SV2C: variants seen among roughly 807,000 people sequenced by gnomAD.
SV2C encodes synaptic vesicle glycoprotein 2C.
SV2C carries 49 observed loss-of-function variants against 79.7 expected under a neutral mutation model. The ratio of observed to expected loss-of-function variants is 0.61; its 90% CI spans 0.49 to 0.78. SV2C has a LOEUF of 0.78. Ranked by LOEUF, SV2C falls within the 30% of genes least tolerant of loss-of-function variation. The pLI is 0.00. For synonymous variants in SV2C, 334 were observed against 333.2 expected (o/e 1.00, Z -0.03); for missense variants, 833 against 912.9 (o/e 0.91, Z 1.13).
chr5:75,985,442 C>T, the SV2C span, among the ~76,000 whole-genome samples: 93 of 151,996 alleles, frequency 6.1e-4, no homozygotes, highest in Non-Finnish European at 8.4e-4. Context: ...TCAGGTTGAC[C>T]CATAGAATCA....
At chr5:76,274,972 T>G (rs189007408) in intron 4 of SV2C, among the ~76,000 whole-genome samples, 380 of 152,268 alleles carry the variant, frequency 2.5e-3, no homozygotes, top group Non-Finnish European at 3.8e-3. Context: ...AAAATGGATT[T>G]TGGGCCCCTT....
chr5:76,077,065 C>T, the SV2C span, among the ~76,000 whole-genome samples: 6 of 152,146 alleles, frequency 3.9e-5, no homozygotes, highest in Non-Finnish European at 8.8e-5. Context: ...TTTAGCAAAA[C>T]CCAAATGAAA....
chr5:76,177,933 A>G (rs915014005), intron 2 of SV2C, among the ~76,000 whole-genome samples: 1 of 152,156 alleles, frequency 6.6e-6, no homozygotes, highest in African/African-American at 2.4e-5. Context: ...CACTGTGCTG[A>G]TATAGAGGAG....
At chr5:75,956,758 C>T in the SV2C span, among the ~76,000 whole-genome samples, 1 of 151,938 alleles carries the variant, frequency 6.6e-6, no homozygotes, top group South Asian at 2.1e-4. Context: ...TCCTTGAGAA[C>T]ACTGAAGCCC....
chr5:76,325,324 G>A (rs1037028302), intron 12 of SV2C, 40 bp from the exon 13 acceptor site: 10 of 1,599,012 alleles, frequency 6.3e-6, no homozygotes, highest in African/African-American at 1.3e-5. Context: ...ATCATGGGGA[G>A]GCATTTTCTC....
rs78231290 is a variant in SV2C at position 76,133,900 on chromosome 5, C to A, written c.580+1570C>A. ...AGCAGAATGTGTAAAGAAGATAGAC[C>A]CTGAGAAATATACTCACACAAATAT... On this transcript the variant is annotated intron_variant, in intron 2 of 12. Transcript: ENST00000502798. Among the ~76,000 whole-genome samples the A allele has an allele frequency of 4.2e-3, 637 of 152,004 alleles. 5 individuals are homozygous for A. The highest frequency in any genetic ancestry group is 0.041 in the South Asian group (196 of 4,810).
At chr5:76,066,771 C>A in the SV2C span, among the ~76,000 whole-genome samples, 1 of 147,540 alleles carries the variant, frequency 6.8e-6, no homozygotes, top group South Asian at 2.2e-4. Flanking sequence ...AGACATGGTC[C>A]TCTGTGTCAC....
At chr5:76,073,178 G>C in the SV2C span, among the ~76,000 whole-genome samples, 1 of 152,088 alleles carries the variant, frequency 6.6e-6, no homozygotes, top group Non-Finnish European at 1.5e-5. Flanking sequence ...CCAATGTCTA[G>C]AATGGTTTTT....
At chr5:76,268,071 G>A (rs1746722591) in intron 4 of SV2C, among the ~76,000 whole-genome samples, 1 of 152,222 alleles carries the variant, frequency 6.6e-6, no homozygotes, top group Non-Finnish European at 1.5e-5. Context: ...GTGCAGTGGA[G>A]GGGATCACTG....
At chr5:75,890,783 G>A in the SV2C span, among the ~76,000 whole-genome samples, 11 of 152,194 alleles carry the variant, frequency 7.2e-5, no homozygotes, top group South Asian at 2.3e-3. Flanking sequence ...TGTGGGTAGG[G>A]CTAGGCCTGC....
intron 4 of SV2C, chr5:76,281,054 C>A (rs771859348): frequency 5.5e-6 from 3 of 541,404 alleles, no homozygotes; most frequent in Non-Finnish European, 1.1e-5. Flanking sequence ...CGGCCCCTGG[C>A]CAGGTTAAGT....
the SV2C span, among the ~76,000 whole-genome samples, chr5:75,895,847 C>G: frequency 6.6e-6 from 1 of 152,056 alleles, no homozygotes; most frequent in Non-Finnish European, 1.5e-5. Flanking sequence ...TTAAAAATAT[C>G]TGGAGAATGC....
the SV2C span, among the ~76,000 whole-genome samples, chr5:75,920,059 G>A: frequency 6.6e-6 from 1 of 152,208 alleles, no homozygotes; most frequent in South Asian, 2.1e-4. Flanking sequence ...GAGATATGCA[G>A]TAAAACACAT....
At chr5:76,256,443 G>A (rs1208475340) in intron 4 of SV2C, among the ~76,000 whole-genome samples, 2 of 152,172 alleles carry the variant, frequency 1.3e-5, no homozygotes, top group East Asian at 3.9e-4. Flanking sequence ...TGTGTCTCTT[G>A]TGAACCCAGG....
chr5:75,992,371 C>T, the SV2C span, among the ~76,000 whole-genome samples: 4 of 151,884 alleles, frequency 2.6e-5, no homozygotes, highest in African/African-American at 9.7e-5. Context: ...ATATGCAGTC[C>T]TCACTTTGCA....
chr5:75,995,369 C>T, the SV2C span, among the ~76,000 whole-genome samples: 3 of 152,054 alleles, frequency 2.0e-5, no homozygotes, highest in African/African-American at 7.2e-5. Flanking sequence ...CTACCTTCAA[C>T]TAAACTGAGG....
chr5:76,270,917 A>G (rs1225730895), intron 4 of SV2C, among the ~76,000 whole-genome samples: 2 of 151,824 alleles, frequency 1.3e-5, no homozygotes, highest in African/African-American at 4.8e-5. Context: ...TACAGGCACC[A>G]ACCACTGCAT....
At chr5:76,009,442 CA>C in the SV2C span, among the ~76,000 whole-genome samples, 1 of 152,150 alleles carries the variant, frequency 6.6e-6, no homozygotes, top group Non-Finnish European at 1.5e-5. Context: ...ATAGTTCTAT[CA>C]AAAAGACACA....
At chr5:75,871,834 T>TATATACAC in the SV2C span, among the ~76,000 whole-genome samples, 2 of 118,840 alleles carry the variant, frequency 1.7e-5, 1 homozygote, top group African/African-American at 6.6e-5. Context: ...TATATATATA[T>TATATACAC]ACACACACAC....
Sources: allele counts gnomAD v4.1 joint callset (sites outside exome capture counted in the v4.1 genomes callset), GRCh38; gene constraint gnomAD v4.1.1; transcripts MANE v1.5; gene names NCBI Gene and HGNC (gene_info 2026-07-23, HGNC 2026-07-21).